Variants in RAB32 observed in about 807,000 individuals in gnomAD.
RAB32 encodes the protein ras-related protein Rab-32.
Under a neutral mutation model 17.5 loss-of-function variants are expected in RAB32, and 17 were observed. That is an observed-to-expected ratio of 0.97 (90% confidence interval 0.67 to 1.46). The LOEUF (loss-of-function observed/expected upper bound fraction) is 1.46, where lower values mean the gene tolerates loss of function less well. Among genes scored for constraint, RAB32 ranks in the 40% most tolerant of loss-of-function variants. The pLI, the probability that RAB32 is intolerant of heterozygous loss-of-function variation, is 0.00. For synonymous variants in RAB32, 115 were observed against 111.1 expected (o/e 1.04, Z -0.22); for missense variants, 288 against 284.3 (o/e 1.01, Z -0.09).
At chr6:146,550,150 T>C (rs1779877712) in intron 2 of RAB32, among the ~76,000 whole-genome samples, 2 of 152,140 alleles carry the variant, frequency 1.3e-5, no homozygotes, top group Non-Finnish European at 2.9e-5. Context: ...TGTGAAAAGA[T>C]CAGAGAGGAG....
chr6:146,554,467 C>T lies in RAB32; in HGVS notation c.540C>T (p.Asn180=), dbSNP rs1283131481. 6.2e-7 allele frequency: 1 copy of T among 1,608,670 alleles called. No individual in the cohort carries two copies. The highest frequency in any genetic ancestry group is 1.1e-5 in the South Asian group (1 of 90,208). The change falls in exon 3 of 3, where the codon AAC becomes AAT. Residue 180 remains asparagine, a synonymous_variant. Transcript: ENST00000367495. ...TTTCTGCATTACAGGATAACATAAA[C>T]ATAGAGGAAGCTGCCCGGTTCCTAG... The part of the protein sequence containing the change: ...WFETSAKDNI[N]IEEAARFLVE...
In RAB32 at chr6:146,546,113, G is replaced by T. The variant is rs1355072765; in HGVS notation, c.250+1992G>T. 2.0e-5 allele frequency among the ~76,000 whole-genome samples: 3 copies of T among 151,952 alleles called. No homozygotes were observed. In the East Asian group the frequency reaches 5.8e-4, roughly 29 times the overall value. On this transcript the variant is annotated intron_variant, in intron 1 of 2. Transcript: ENST00000367495. ...TCACAGACCTCGAATGACAGGAAGG[G>T]GTCATATCTAGTTTTTTATCAGACT... is the stretch of plus-strand genomic sequence containing the variant.
At chr6:146,545,424 A>T (rs528236056) in intron 1 of RAB32, among the ~76,000 whole-genome samples, 19 of 152,308 alleles carry the variant, frequency 1.2e-4, no homozygotes, top group African/African-American at 4.6e-4. Context: ...ACTGAAGCCC[A>T]TGGAGGGTAT....
In RAB32 at chr6:146,549,723, G is replaced by A; in HGVS notation, c.510G>A (p.Trp170Ter). The A allele has an allele frequency of 6.2e-7, 1 of 1,614,022 alleles. No individual in the cohort carries two copies. Among genetic ancestry groups the A allele is most frequent in the Non-Finnish European group, 8.5e-7 (1 of 1,179,938 alleles). The stretch of plus-strand genomic sequence containing the variant: ...GCAAAGAACATGGCTTTGCCGGATG[G>A]TTTGAAACCTCTGCAAAGGTGAGAT... ...QFCKEHGFAG[W>*]FETSAKDNIN... The change falls in exon 2 of 3, where the codon TGG becomes TGA. Residue 170 changes from tryptophan (W) to a stop codon, truncating the protein, a stop_gained. Transcript: ENST00000367495. LOFTEE classifies it high-confidence loss of function.
At chr6:146,549,440 A>C in intron 1 of RAB32, 24 bp from the exon 2 acceptor site, 1 of 1,592,134 alleles carries the variant, frequency 6.3e-7, no homozygotes, top group Non-Finnish European at 8.5e-7. Flanking sequence ...CAAGTTTTTA[A>C]TTTTTTCTTA....
At chr6:146,549,136 T>C (rs1221059928) in intron 1 of RAB32, among the ~76,000 whole-genome samples, 1 of 152,228 alleles carries the variant, frequency 6.6e-6, no homozygotes, top group East Asian at 1.9e-4. Context: ...TATGTTTTCC[T>C]TTAGTGCCTC....
At chr6:146,544,501 G>A (rs764363450) in intron 1 of RAB32, among the ~76,000 whole-genome samples, 26 of 152,114 alleles carry the variant, frequency 1.7e-4, no homozygotes, top group Non-Finnish European at 2.9e-4. Flanking sequence ...CAAGTTCAGA[G>A]GGATTGGGTG....
rs373909958 is a variant in RAB32 at position 146,543,970 on chromosome 6, G to A, written c.99G>A (p.Glu33=). The change falls in exon 1 of 3, where the codon GAG becomes GAA. Residue 33 remains glutamate (E), a synonymous_variant. Coordinates refer to ENST00000367495, the MANE Select transcript of RAB32 (RefSeq NM_006834.5). ...TCTTCAAGGTGCTGGTGATCGGCGA[G>A]CTTGGCGTGGGCAAGACCAGCATCA... The part of the protein sequence containing the change: ...EHLFKVLVIG[E]LGVGKTSIIK... The A allele has an allele frequency of 1.2e-6, 2 of 1,613,408 alleles. No homozygotes were observed. The highest frequency in any genetic ancestry group is 1.3e-5 in the African/African-American group (1 of 74,894).
At chr6:146,550,802 G>A (rs1232396292) in intron 2 of RAB32, among the ~76,000 whole-genome samples, 2 of 151,836 alleles carry the variant, frequency 1.3e-5, no homozygotes. Context: ...ATGATGAAAT[G>A]TTTGAAAAAT....
Position 146,543,851 on chromosome 6 carries a change from C to T in RAB32, c.-21C>T, listed in dbSNP as rs187629621. 2.3e-4 allele frequency: 320 copies of T among 1,364,540 alleles called. 6 individuals carry two copies. In the East Asian group the frequency reaches 9.8e-3, roughly 42 times the overall value. The allele number at this position is 1,364,540 out of a possible 1,614,324, so 84.5% of individuals were successfully genotyped here. A position where few individuals can be genotyped will look rare whatever the true frequency, so the allele number is the denominator to read the frequency against. ...GGGGGCCAGACTCGGAGTCGAGGCG[C>T]GCCCGACAGCCGCAGCGCTCATGGC... On this transcript the variant is annotated 5_prime_UTR_variant, in exon 1 of 3. Coordinates refer to ENST00000367495, the MANE Select transcript of RAB32 (RefSeq NM_006834.5).
rs961238054 is a variant in RAB32, at chr6:146,551,952, A to C, written c.528+2211A>C. Reference sequence around the variant, plus strand: ...CCAAGAGAATAACAGTAATAAAAAAATTTAGGTTAAAAATCTTAGAGTTAA... The same window carrying C: ...CCAAGAGAATAACAGTAATAAAAAACTTTAGGTTAAAAATCTTAGAGTTAA... On this transcript the variant is annotated intron_variant, in intron 2 of 2. Coordinates refer to ENST00000367495, the MANE Select transcript of RAB32 (RefSeq NM_006834.5). Among the ~76,000 whole-genome samples, 16 of 152,304 alleles carry C rather than the reference A, an allele frequency of 1.1e-4. No individual in the cohort carries two copies. The East Asian group carries it at 2.9e-3, about 28-fold the overall frequency.
intron 2 of RAB32, among the ~76,000 whole-genome samples, chr6:146,550,415 G>A (rs1364518001): frequency 1.3e-5 from 2 of 152,062 alleles, no homozygotes; most frequent in Non-Finnish European, 2.9e-5. Flanking sequence ...CTGGGAGGCC[G>A]AGGCAGATGG....
Position 146,552,882 on chromosome 6 carries a change from G to C in RAB32, c.529-1574G>C, listed in dbSNP as rs371805864. ...GAAACTAAGGAAATGCTTACAAAAT[G>C]ATGGGGACATGTGACAAAGATACAG... On this transcript the variant is annotated intron_variant, in intron 2 of 2. Transcript: ENST00000367495. Among the ~76,000 whole-genome samples, 8 of 152,276 alleles carry C rather than the reference G, an allele frequency of 5.3e-5. 1 individual carries two copies. In the East Asian group the frequency reaches 1.5e-3, roughly 29 times the overall value.
intron 2 of RAB32, among the ~76,000 whole-genome samples, chr6:146,553,379 G>A (rs1167778164): frequency 1.3e-5 from 2 of 152,174 alleles, no homozygotes; most frequent in Non-Finnish European, 2.9e-5. Context: ...ACTTGAAGCA[G>A]TGTGCTTCCT....
chr6:146,547,217 TA>T (rs1428751825), intron 1 of RAB32, among the ~76,000 whole-genome samples: 3 of 152,282 alleles, frequency 2.0e-5, no homozygotes, highest in Non-Finnish European at 4.4e-5. Context: ...TCAGTGTAGG[TA>T]AAGTAGTATT....
chr6:146,545,797 G>T (rs1436078207), intron 1 of RAB32, among the ~76,000 whole-genome samples: 1 of 152,202 alleles, frequency 6.6e-6, no homozygotes, highest in African/African-American at 2.4e-5. Flanking sequence ...ACAAAGTCAT[G>T]GATTCTAAAG....
intron 1 of RAB32, among the ~76,000 whole-genome samples, chr6:146,547,071 C>T (rs1004165582): frequency 6.6e-6 from 1 of 152,064 alleles, no homozygotes; most frequent in African/African-American, 2.4e-5. Context: ...TTAACTCACA[C>T]GTACTTTAGG....
rs529488061 is a variant in RAB32 at position 146,554,648 on chromosome 6, A to T, written c.*43A>T. 1 of 1,575,352 alleles carries T rather than the reference A, an allele frequency of 6.3e-7. No individual in the cohort carries two copies. Among genetic ancestry groups the T allele is most frequent in the African/African-American group, 1.4e-5 (1 of 73,080 alleles). Reference sequence around the variant, plus strand: ...TCTTGTGTGTGCCTCAGCTCTGAAGAAGTTCCTGAGAATGGGTTACAGATG... The same window carrying T: ...TCTTGTGTGTGCCTCAGCTCTGAAGTAGTTCCTGAGAATGGGTTACAGATG... On this transcript the variant is annotated 3_prime_UTR_variant, in exon 3 of 3. Transcript: ENST00000367495.
Position 146,554,737 on chromosome 6 carries a change from A to C in RAB32, c.*132A>C, listed in dbSNP as rs1179949828. 1 of 939,718 alleles carries C rather than the reference A, an allele frequency of 1.1e-6. No homozygotes were observed. Among genetic ancestry groups the C allele is most frequent in the African/African-American group, 1.7e-5 (1 of 59,906 alleles). 58.2% of individuals were successfully genotyped at this position (939,718 alleles called of 1,614,324 possible). On this transcript the variant is annotated 3_prime_UTR_variant, in exon 3 of 3. Coordinates refer to ENST00000367495, the MANE Select transcript of RAB32 (RefSeq NM_006834.5). ...AAAGGCAGCACCACTGGGCGCCTGC[A>C]CTTATTTGAAAATGGAACTTTGGGA...
Sources: allele counts gnomAD v4.1 joint callset (sites outside exome capture counted in the v4.1 genomes callset), GRCh38; gene constraint gnomAD v4.1.1; transcripts MANE v1.5; gene names NCBI Gene and HGNC (gene_info 2026-07-23, HGNC 2026-07-21).